Variants in MACROD2 observed in about 807,000 individuals in gnomAD.
The protein encoded by MACROD2 is ADP-ribose glycohydrolase MACROD2.
In MACROD2, 36 loss-of-function variants were observed where a neutral mutation model predicts 70.4. That is an observed-to-expected ratio of 0.51 (90% confidence interval 0.39 to 0.68). MACROD2 has a LOEUF of 0.68. MACROD2 is among the 30% of genes least tolerant of loss of function. The pLI is 0.00. For synonymous variants in MACROD2, 172 were observed against 178.8 expected, an observed-to-expected ratio of 0.96 and a Z score of 0.30; for missense variants, 496 against 538.4, an observed-to-expected ratio of 0.92 and a Z score of 0.78.
intron 6 of MACROD2, among the ~76,000 whole-genome samples, chr20:15,333,306 G>T (rs2078012838): frequency 6.6e-6 from 1 of 151,664 alleles, no homozygotes; most frequent in Admixed American, 6.6e-5. Flanking sequence ...ATATTCTTTA[G>T]AGGGTCAGTA....
chr20:15,520,535 GTT>G (rs11468561), intron 8 of MACROD2, among the ~76,000 whole-genome samples: 43,203 of 152,002 alleles, frequency 0.28, 9,038 homozygotes, highest in African/African-American at 0.6. Context: ...TCACCCCTAT[GTT>G]TTTAAAGCTT....
intron 4 of MACROD2, among the ~76,000 whole-genome samples, chr20:14,640,972 C>G (rs1215227244): frequency 6.6e-6 from 1 of 152,152 alleles, no homozygotes; most frequent in Non-Finnish European, 1.5e-5. Flanking sequence ...TGGATTGACT[C>G]TTCCTTTTAT....
At chr20:14,575,677 G>T (rs1373969969) in intron 4 of MACROD2, among the ~76,000 whole-genome samples, 1 of 151,958 alleles carries the variant, frequency 6.6e-6, no homozygotes, top group African/African-American at 2.4e-5. Context: ...ATTAATGTTG[G>T]CATATGTACA....
chr20:15,434,713 G>C (rs1026398709), intron 7 of MACROD2, among the ~76,000 whole-genome samples: 1 of 152,022 alleles, frequency 6.6e-6, no homozygotes, highest in Non-Finnish European at 1.5e-5. Flanking sequence ...AAAGACACTT[G>C]CACATGCAAG....
chr20:14,786,644 T>TA (rs1189783079), intron 5 of MACROD2, among the ~76,000 whole-genome samples: 1 of 151,960 alleles, frequency 6.6e-6, no homozygotes, highest in African/African-American at 2.4e-5. Context: ...TCCTTGCTCT[T>TA]AAAAGCAAAA....
At chr20:14,082,177 CTTTTTT>C (rs66918191) in intron 2 of MACROD2, among the ~76,000 whole-genome samples, 19 of 93,204 alleles carry the variant, frequency 2.0e-4, no homozygotes, top group Middle Eastern at 0.018. Flanking sequence ...CTTTTTTTTT[CTTTTTT>C]TTTTTTTTTT....
intron 8 of MACROD2, among the ~76,000 whole-genome samples, chr20:15,518,394 T>G (rs1307605445): frequency 3.3e-5 from 5 of 152,252 alleles, no homozygotes; most frequent in Non-Finnish European, 7.3e-5. Flanking sequence ...AATAGCGGAT[T>G]GCTAATTAAA....
intron 8 of MACROD2, among the ~76,000 whole-genome samples, chr20:15,711,491 G>A (rs769559887): frequency 6.6e-6 from 1 of 152,088 alleles, no homozygotes; most frequent in African/African-American, 2.4e-5. Context: ...GCTTGGCCTC[G>A]ATCAGCTGCT....
chr20:15,384,000 A>G (rs1881908945), intron 6 of MACROD2, among the ~76,000 whole-genome samples: 1 of 152,140 alleles, frequency 6.6e-6, no homozygotes, highest in Non-Finnish European at 1.5e-5. Flanking sequence ...CTACTTTGTC[A>G]AAAACATGTA....
chr20:14,820,808 T>C (rs539352611), intron 5 of MACROD2, among the ~76,000 whole-genome samples: 1 of 152,138 alleles, frequency 6.6e-6, no homozygotes, highest in South Asian at 2.1e-4. Flanking sequence ...TGCGCTGCTG[T>C]GTTTTTGTTC....
intron 6 of MACROD2, among the ~76,000 whole-genome samples, chr20:15,251,866 A>G (rs2077158779): frequency 6.6e-6 from 1 of 152,222 alleles, no homozygotes; most frequent in Non-Finnish European, 1.5e-5. Context: ...ATGTTTCTGA[A>G]TTGCTACTGT....
At chr20:14,900,561 TTA>T (rs1279355254) in intron 5 of MACROD2, among the ~76,000 whole-genome samples, 1 of 146,370 alleles carries the variant, frequency 6.8e-6, no homozygotes, top group African/African-American at 2.5e-5. Context: ...GAGATTTTTT[TTA>T]AATTTCTTCT....
rs369996595 is a variant in MACROD2, at chr20:14,463,065, T to G, written c.272-30414T>G. ...ACTTTAAAGTAGTTTTTTCCAATTC[T>G]GTGAAGAAAGTCATTGGTAGCTTGA... On this transcript the variant is annotated intron_variant, in intron 3 of 17. Coordinates refer to ENST00000684519, the MANE Select transcript of MACROD2 (RefSeq NM_001351661.2). Among the ~76,000 whole-genome samples the G allele has an allele frequency of 9.7e-3, 1,474 of 152,226 alleles. 11 individuals carry two copies. The highest frequency in any genetic ancestry group is 0.014 in the Non-Finnish European group (935 of 68,026).
At position 15,206,726 on chromosome 20, in the gene MACROD2, T is replaced by TTTTTTTTTTTTTGTTG. The variant is rs2076708713; in HGVS notation, c.419-23202_419-23201insGTTGTTTTTTTTTTTT. Among the ~76,000 whole-genome samples the TTTTTTTTTTTTTGTTG allele has an allele frequency of 3.2e-5, 2 of 61,674 alleles. 1 individual carries two copies. Among genetic ancestry groups the TTTTTTTTTTTTTGTTG allele is most frequent in the Non-Finnish European group, 6.3e-5 (2 of 31,770 alleles). The allele number at this position is 61,674 out of a possible 152,430, so 40.5% of individuals were successfully genotyped here. On this transcript the variant is annotated intron_variant, in intron 5 of 17. Coordinates refer to ENST00000684519, the MANE Select transcript of MACROD2 (RefSeq NM_001351661.2). ...AAGTCTTTCATATTATCTATGTTTTTTTTTTTTTTTTTTTTTTTTTTGAGA... is the reference window on the plus strand; with the variant it reads ...AAGTCTTTCATATTATCTATGTTTTTTTTTTTTTTTTTGTTGTTTTTTTTTTTTTTTTTTTTTGAGA...
chr20:14,191,561 A>G (rs2081388267), intron 3 of MACROD2, among the ~76,000 whole-genome samples: 1 of 152,232 alleles, frequency 6.6e-6, no homozygotes, highest in South Asian at 2.1e-4. Context: ...CAAAATATAT[A>G]TTTTGAGAAA....
At chr20:14,152,458 G>A (rs184239261) in intron 3 of MACROD2, among the ~76,000 whole-genome samples, 3,422 of 139,412 alleles carry the variant, frequency 0.025, 126 homozygotes, top group African/African-American at 0.085. Flanking sequence ...ATGGAGTCTC[G>A]CTCTGTTGCC....
chr20:14,785,584 G>A (rs566370809), intron 5 of MACROD2, among the ~76,000 whole-genome samples: 1 of 152,016 alleles, frequency 6.6e-6, no homozygotes, highest in Non-Finnish European at 1.5e-5. Context: ...CCGCTCCTCT[G>A]ATGCCCCAGC....
At chr20:15,213,485 C>A (rs1412114188) in intron 5 of MACROD2, among the ~76,000 whole-genome samples, 1 of 151,950 alleles carries the variant, frequency 6.6e-6, no homozygotes, top group Non-Finnish European at 1.5e-5. Flanking sequence ...GAGGTCTTCT[C>A]CCCAAAGAAT....
rs141070134 is a variant in MACROD2, at chr20:15,269,879, A to T, written c.540+39818A>T. On this transcript the variant is annotated intron_variant, in intron 6 of 17. Transcript: ENST00000684519. The stretch of plus-strand genomic sequence containing the variant: ...TTCCATTTACCTCTTTAATTAATTA[A>T]TTAATTCAATATTTATTTGGCACCT... 2.5e-3 allele frequency among the ~76,000 whole-genome samples: 375 copies of T among 152,236 alleles called. 1 individual carries two copies. Among genetic ancestry groups the T allele is most frequent in the African/African-American group, 8.7e-3 (362 of 41,534 alleles).
Sources: gnomAD v4.1 joint callset for allele counts (sites outside exome capture counted in the v4.1 genomes callset) on GRCh38, gnomAD v4.1.1 for gene constraint, MANE v1.5 for transcripts, NCBI Gene and HGNC (gene_info 2026-07-23, HGNC 2026-07-21) for gene names.